Variants in ZC2HC1B observed in about 807,000 individuals in gnomAD.
ZC2HC1B encodes the protein zinc finger C2HC-type containing 1B.
ZC2HC1B carries 36 observed loss-of-function variants against 31.0 expected under a neutral mutation model. The observed-to-expected ratio is 1.16, with a 90% CI of 0.89 to 1.54. The LOEUF (loss-of-function observed/expected upper bound fraction) is 1.54, where lower values mean the gene tolerates loss of function less well. ZC2HC1B is among the 40% of genes most tolerant of loss of function. The pLI, the probability that ZC2HC1B is intolerant of heterozygous loss-of-function variation, is 0.00. For missense variants in ZC2HC1B, 260 were observed against 268.6 expected, an observed-to-expected ratio of 0.97 and a Z score of 0.22; for synonymous variants, 73 against 88.0, an observed-to-expected ratio of 0.83 and a Z score of 0.95.
chr6:143,934,568 C>A lies in ZC2HC1B; in HGVS notation c.599-3081C>A, dbSNP rs888303909. 2.0e-5 allele frequency among the ~76,000 whole-genome samples: 3 copies of A among 152,172 alleles called. No individual in the cohort carries two copies. The highest frequency in any genetic ancestry group is 7.2e-5 in the African/African-American group (3 of 41,436). ...ATATCTCTGCATCTGGTGTAACAGT[C>A]ACTTCTTCCAATTTTTGAATTGGCC... On this transcript the variant is annotated intron_variant, in intron 6 of 7. Transcript: ENST00000237275. The surrounding 1 kb of genome is among the most constrained non-coding windows in gnomAD (Gnocchi z 4.6).
chr6:143,876,292 A>G (rs1197933913), intron 1 of ZC2HC1B, among the ~76,000 whole-genome samples: 1 of 150,488 alleles, frequency 6.6e-6, no homozygotes, highest in Non-Finnish European at 1.5e-5. Context: ...CAGCTTCATT[A>G]TGTTCCTTGG....
At chr6:143,904,912 C>T (rs1041759136) in intron 6 of ZC2HC1B, among the ~76,000 whole-genome samples, 2 of 152,104 alleles carry the variant, frequency 1.3e-5, no homozygotes, top group Non-Finnish European at 2.9e-5. Flanking sequence ...TTTCTGGACT[C>T]TATTCTATTT....
chr6:143,874,496 A>G (rs966348574), intron 1 of ZC2HC1B, among the ~76,000 whole-genome samples: 1 of 152,196 alleles, frequency 6.6e-6, no homozygotes, highest in African/African-American at 2.4e-5. Flanking sequence ...ATAAAGACAT[A>G]CCTGAGACTG....
rs553775025 is a variant in ZC2HC1B, at chr6:143,923,857, A to G, written c.599-13792A>G. On this transcript the variant is annotated intron_variant, in intron 6 of 7. Transcript: ENST00000237275. This position sits in a 1 kb window ranked among gnomAD's most constrained non-coding sequence, Gnocchi z 4.8. The stretch of plus-strand genomic sequence containing the variant: ...GCTGTTTTAGTTACTACAGCTTTTT[A>G]ATATATTTTGAAATCAGGTATGTGA... Among the ~76,000 whole-genome samples, 169 of 151,632 alleles carry G rather than the reference A, an allele frequency of 1.1e-3. 2 individuals carry two copies. Among genetic ancestry groups the G allele is most frequent in the African/African-American group, 3.7e-3 (153 of 41,318 alleles).
At chr6:143,894,808 A>G (rs1777646456) in intron 4 of ZC2HC1B, among the ~76,000 whole-genome samples, 1 of 152,238 alleles carries the variant, frequency 6.6e-6, no homozygotes, top group Non-Finnish European at 1.5e-5. Context: ...CTTTAATTGA[A>G]TAAGTGAAAC....
chr6:143,934,626 C>G lies in ZC2HC1B; in HGVS notation c.599-3023C>G, dbSNP rs534063985. 6.6e-6 allele frequency among the ~76,000 whole-genome samples: 1 copy of G among 152,330 alleles called. No homozygotes were observed. The highest frequency in any genetic ancestry group is 2.4e-5 in the African/African-American group (1 of 41,584). ...GAAAGACTTCTTCCTACATATGTAT[C>G]TATAGTGATAGTTGGGTAGGGCACT... On this transcript the variant is annotated intron_variant, in intron 6 of 7. Transcript: ENST00000237275. The surrounding 1 kb of genome is among the most constrained non-coding windows in gnomAD (Gnocchi z 4.6).
chr6:143,917,495 A>C lies in ZC2HC1B; in HGVS notation c.598+14343A>C, dbSNP rs1333556941. Among the ~76,000 whole-genome samples the C allele has an allele frequency of 6.6e-6, 1 of 152,186 alleles. No homozygotes were observed. Among genetic ancestry groups the C allele is most frequent in the East Asian group, 1.9e-4 (1 of 5,204 alleles). On this transcript the variant is annotated intron_variant, in intron 6 of 7. Coordinates refer to ENST00000237275, the MANE Select transcript of ZC2HC1B (RefSeq NM_001013623.3). This position sits in a 1 kb window ranked among gnomAD's most constrained non-coding sequence, Gnocchi z 4.1. ...CTAATGTTATCACATTCTCATTTGAATTTATTCCAGCTTATCTTCATAACA... is the reference window on the plus strand; with the variant it reads ...CTAATGTTATCACATTCTCATTTGACTTTATTCCAGCTTATCTTCATAACA...
In ZC2HC1B at chr6:143,865,168, T is replaced by A. The variant is rs1395953272; in HGVS notation, c.28+601T>A. ...CAAATTCATGATACTTTAAATGAATTTTCTGATATCTTGGTTCTCTAAAAA... is the reference window on the plus strand; with the variant it reads ...CAAATTCATGATACTTTAAATGAATATTCTGATATCTTGGTTCTCTAAAAA... On this transcript the variant is annotated intron_variant, in intron 1 of 7. Coordinates refer to ENST00000237275, the MANE Select transcript of ZC2HC1B (RefSeq NM_001013623.3). This position sits in a 1 kb window ranked among gnomAD's most constrained non-coding sequence, Gnocchi z 4.4. Among the ~76,000 whole-genome samples, 2 of 152,224 alleles carry A rather than the reference T, an allele frequency of 1.3e-5. No homozygotes were observed. Among genetic ancestry groups the A allele is most frequent in the Non-Finnish European group, 2.9e-5 (2 of 68,042 alleles).
intron 6 of ZC2HC1B, among the ~76,000 whole-genome samples, chr6:143,912,704 G>T (rs1340372456): frequency 6.6e-6 from 1 of 152,198 alleles, no homozygotes; most frequent in Non-Finnish European, 1.5e-5. Context: ...TCCTGTTGGG[G>T]GGTCTTACCC....
Position 143,885,238 on chromosome 6 carries a change from T to A in ZC2HC1B, c.91-794T>A, listed in dbSNP as rs755432240. Among the ~76,000 whole-genome samples, 2 of 152,200 alleles carry A rather than the reference T, an allele frequency of 1.3e-5. No homozygotes were observed. Among genetic ancestry groups the A allele is most frequent in the Non-Finnish European group, 1.5e-5 (1 of 68,030 alleles). On this transcript the variant is annotated intron_variant, in intron 2 of 7. Transcript: ENST00000237275. The surrounding 1 kb of genome is among the most constrained non-coding windows in gnomAD (Gnocchi z 4.2). ...ATGAAATAGCTGTCTTTTAGTTAAC[T>A]GTGGTTAGAGCCTCCTGAAACTAGA... is the stretch of plus-strand genomic sequence containing the variant.
In ZC2HC1B at chr6:143,895,904, T is replaced by C. The variant is rs888463620; in HGVS notation, c.350-2648T>C. 1.3e-5 allele frequency among the ~76,000 whole-genome samples: 2 copies of C among 152,224 alleles called. No homozygotes were observed. The highest frequency in any genetic ancestry group is 2.4e-5 in the African/African-American group (1 of 41,464). ...TGAAATAAATAGGACATGGTGATTT[T>C]ATGAAAACATTATTGATAGAGGAAG... On this transcript the variant is annotated intron_variant, in intron 4 of 7. Transcript: ENST00000237275. This position sits in a 1 kb window ranked among gnomAD's most constrained non-coding sequence, Gnocchi z 4.8.
rs1032847323 is a variant in ZC2HC1B at position 143,924,672 on chromosome 6, G to A, written c.599-12977G>A. Among the ~76,000 whole-genome samples the A allele has an allele frequency of 6.6e-6, 1 of 152,158 alleles. No homozygotes were observed. The highest frequency in any genetic ancestry group is 1.5e-5 in the Non-Finnish European group (1 of 68,024). On this transcript the variant is annotated intron_variant, in intron 6 of 7. Transcript: ENST00000237275. This position sits in a 1 kb window ranked among gnomAD's most constrained non-coding sequence, Gnocchi z 5.2. Reference sequence around the variant, plus strand: ...TGTCAGATATGACCTTTACTATGCTGAGGCATGTTTCTTCTATGCCTAATT... The same window carrying A: ...TGTCAGATATGACCTTTACTATGCTAAGGCATGTTTCTTCTATGCCTAATT...
intron 6 of ZC2HC1B, among the ~76,000 whole-genome samples, chr6:143,927,044 C>T (rs902744975): frequency 1.3e-4 from 19 of 149,726 alleles, no homozygotes; most frequent in African/African-American, 3.2e-4. Context: ...ATGATCCACC[C>T]GCCTCGGCCT....
Position 143,883,793 on chromosome 6 carries a change from A to C in ZC2HC1B, c.29-511A>C, listed in dbSNP as rs1186953046. Among the ~76,000 whole-genome samples the C allele has an allele frequency of 6.6e-6, 1 of 152,196 alleles. No homozygotes were observed. Among genetic ancestry groups the C allele is most frequent in the Non-Finnish European group, 1.5e-5 (1 of 68,046 alleles). ...ATAGCCAATATCTATTTATCGAATG[A>C]ATGTTTCTATGTTAGAAATTCAATT... is the stretch of plus-strand genomic sequence containing the variant. On this transcript the variant is annotated intron_variant, in intron 1 of 7. Transcript: ENST00000237275. The surrounding 1 kb of genome is among the most constrained non-coding windows in gnomAD (Gnocchi z 4.1).
chr6:143,878,089 C>G (rs1287926277), intron 1 of ZC2HC1B, among the ~76,000 whole-genome samples: 5 of 150,860 alleles, frequency 3.3e-5, no homozygotes, highest in Admixed American at 6.6e-5. Context: ...CTAAAACTTA[C>G]TTGTAACCCT....
At position 143,921,964 on chromosome 6, in the gene ZC2HC1B, G is replaced by A. The variant is rs1464989298; in HGVS notation, c.599-15685G>A. ...AAAAAAAATAAAAATAAAGTTGCTA[G>A]GGTTAATGTGTCTTTAAATTAGTCA... is the stretch of plus-strand genomic sequence containing the variant. On this transcript the variant is annotated intron_variant, in intron 6 of 7. Transcript: ENST00000237275. This position sits in a 1 kb window ranked among gnomAD's most constrained non-coding sequence, Gnocchi z 6.1. Among the ~76,000 whole-genome samples the A allele has an allele frequency of 6.6e-6, 1 of 152,148 alleles. No homozygotes were observed. The highest frequency in any genetic ancestry group is 1.5e-5 in the Non-Finnish European group (1 of 68,032).
Position 143,869,171 on chromosome 6 carries a change from A to G in ZC2HC1B, c.28+4604A>G, listed in dbSNP as rs1256143673. 6.6e-6 allele frequency among the ~76,000 whole-genome samples: 1 copy of G among 152,186 alleles called. No homozygotes were observed. The highest frequency in any genetic ancestry group is 1.5e-5 in the Non-Finnish European group (1 of 68,032). Reference sequence around the variant, plus strand: ...GGCCATTTGTAGTCCTGCCTGGATTAGGCTGTTGTAGTTTCCCATTGACCT... The same window carrying G: ...GGCCATTTGTAGTCCTGCCTGGATTGGGCTGTTGTAGTTTCCCATTGACCT... On this transcript the variant is annotated intron_variant, in intron 1 of 7. Coordinates refer to ENST00000237275, the MANE Select transcript of ZC2HC1B (RefSeq NM_001013623.3). The surrounding 1 kb of genome is among the most constrained non-coding windows in gnomAD (Gnocchi z 5.2).
intron 6 of ZC2HC1B, among the ~76,000 whole-genome samples, chr6:143,910,183 G>A (rs951691479): frequency 2.0e-5 from 3 of 152,146 alleles, no homozygotes; most frequent in Non-Finnish European, 2.9e-5. Flanking sequence ...TCAGGAGCAG[G>A]TTCCATGTAG....
rs1777651771 is a variant in ZC2HC1B, at chr6:143,895,243, A to C, written c.350-3309A>C. ...AATGGCAGGACCTCGGGTCACTGCA[A>C]ACTCCGCCTCCCAGGTTCAAGCAAT... On this transcript the variant is annotated intron_variant, in intron 4 of 7. Transcript: ENST00000237275. This position sits in a 1 kb window ranked among gnomAD's most constrained non-coding sequence, Gnocchi z 4.8. 6.6e-6 allele frequency among the ~76,000 whole-genome samples: 1 copy of C among 152,052 alleles called. No homozygotes were observed. Among genetic ancestry groups the C allele is most frequent in the African/African-American group, 2.4e-5 (1 of 41,380 alleles).
Sources: gnomAD v4.1 joint callset for allele counts (sites outside exome capture counted in the v4.1 genomes callset) on GRCh38, gnomAD v4.1.1 for gene constraint, Gnocchi (gnomAD v3.1) non-coding constraint, MANE v1.5 for transcripts, NCBI Gene and HGNC (gene_info 2026-07-23, HGNC 2026-07-21) for gene names.